Variants in CNTNAP2 observed in about 807,000 individuals in gnomAD.
CNTNAP2 encodes contactin-associated protein-like 2.
Under a neutral mutation model 155.2 loss-of-function variants are expected in CNTNAP2, and 98 were observed. The observed-to-expected ratio is 0.63, with a 90% CI of 0.54 to 0.75. The LOEUF (loss-of-function observed/expected upper bound fraction) is 0.75. Ranked by LOEUF, CNTNAP2 falls within the 30% of genes least tolerant of loss-of-function variation. CNTNAP2 has a pLI of 0.00. For synonymous variants in CNTNAP2, 651 were observed against 631.2 expected, an observed-to-expected ratio of 1.03 and a Z score of -0.47; for missense variants, 1,727 against 1,688.1, an observed-to-expected ratio of 1.02 and a Z score of -0.40.
intron 2 of CNTNAP2, among the ~76,000 whole-genome samples, chr7:146,836,787 A>C (rs531373656): frequency 6.6e-6 from 1 of 152,324 alleles, no homozygotes; most frequent in South Asian, 2.1e-4. Context: ...TTATATTTTT[A>C]TAGTATACAC....
chr7:146,462,393 A>G (rs566254583), intron 1 of CNTNAP2, among the ~76,000 whole-genome samples: 1 of 152,102 alleles, frequency 6.6e-6, no homozygotes, highest in African/African-American at 2.4e-5. Context: ...AAAACAGATG[A>G]TCCTCTATTT....
At chr7:147,131,098 A>G (rs1198463724) in intron 7 of CNTNAP2, among the ~76,000 whole-genome samples, 1 of 148,906 alleles carries the variant, frequency 6.7e-6, no homozygotes, top group Non-Finnish European at 1.5e-5. Flanking sequence ...GTGTATATAT[A>G]CACACACATA....
chr7:146,990,444 CCTT>C (rs1584769573), intron 3 of CNTNAP2, among the ~76,000 whole-genome samples: 1 of 152,002 alleles, frequency 6.6e-6, no homozygotes, highest in Non-Finnish European at 1.5e-5. Flanking sequence ...GTTCCTTTAA[CCTT>C]CTTTCTCAAT....
At chr7:146,671,429 T>TCACACACA (rs147594471) in intron 1 of CNTNAP2, among the ~76,000 whole-genome samples, 2,195 of 148,358 alleles carry the variant, frequency 0.015, 31 homozygotes, top group Non-Finnish European at 0.021. Context: ...TTTTTGTCAC[T>TCACACACA]CACACACACA....
rs965507779 is a variant in CNTNAP2 at position 146,128,814 on chromosome 7, T to C, written c.97+11841T>C. Among the ~76,000 whole-genome samples, 9 of 152,218 alleles carry C rather than the reference T, an allele frequency of 5.9e-5. No homozygotes were observed. The South Asian group carries it at 1.9e-3, about 32-fold the overall frequency. On this transcript the variant is annotated intron_variant, in intron 1 of 23. Coordinates refer to ENST00000361727, the MANE Select transcript of CNTNAP2 (RefSeq NM_014141.6). ...GCTAAAAGCATCATACTAAGAAGTA[T>C]TATAATTGTAATATAATGTTAGTTG...
At chr7:147,453,806 CCA>C (rs879479702) in intron 10 of CNTNAP2, among the ~76,000 whole-genome samples, 2 of 151,958 alleles carry the variant, frequency 1.3e-5, no homozygotes, top group Non-Finnish European at 2.9e-5. Flanking sequence ...GAAAATGCCA[CCA>C]AAAGTTCTTT....
chr7:148,168,031 C>G (rs1262814210), intron 17 of CNTNAP2, among the ~76,000 whole-genome samples: 1 of 152,144 alleles, frequency 6.6e-6, no homozygotes, highest in Non-Finnish European at 1.5e-5. Flanking sequence ...AAAAATATCT[C>G]CATTCTCAAT....
intron 3 of CNTNAP2, among the ~76,000 whole-genome samples, chr7:146,895,697 A>G (rs1795863721): frequency 6.6e-6 from 1 of 152,174 alleles, no homozygotes; most frequent in Non-Finnish European, 1.5e-5. Context: ...ACATGGCACC[A>G]TGGACACATA....
At chr7:147,317,306 C>T (rs569012093) in intron 9 of CNTNAP2, among the ~76,000 whole-genome samples, 2 of 152,204 alleles carry the variant, frequency 1.3e-5, no homozygotes, top group East Asian at 3.8e-4. Flanking sequence ...CCCTTTCCAC[C>T]CTCACTGACT....
intron 1 of CNTNAP2, among the ~76,000 whole-genome samples, chr7:146,312,366 T>A (rs1800839330): frequency 6.6e-6 from 1 of 152,200 alleles, no homozygotes; most frequent in African/African-American, 2.4e-5. Flanking sequence ...AACACATATC[T>A]TTGCAACATA....
intron 14 of CNTNAP2, among the ~76,000 whole-genome samples, chr7:147,967,670 G>C (rs533084788): frequency 1.6e-4 from 25 of 152,092 alleles, no homozygotes; most frequent in Non-Finnish European, 3.2e-4. Flanking sequence ...AATTGCATGT[G>C]GGGAGACTGT....
intron 1 of CNTNAP2, among the ~76,000 whole-genome samples, chr7:146,369,029 GTA>G (rs71525943): frequency 0.13 from 17,264 of 137,144 alleles, 1,474 homozygotes; most frequent in African/African-American, 0.26. Flanking sequence ...AAAGCATTAT[GTA>G]TATATATATA....
intron 9 of CNTNAP2, among the ~76,000 whole-genome samples, chr7:147,389,156 T>G (rs1796669309): frequency 6.6e-6 from 1 of 152,032 alleles, no homozygotes; most frequent in Non-Finnish European, 1.5e-5. Context: ...TCAGGAAGGT[T>G]GAGTAAACAG....
intron 15 of CNTNAP2, among the ~76,000 whole-genome samples, chr7:148,096,210 GT>G (rs964492803): frequency 6.6e-5 from 10 of 151,822 alleles, no homozygotes; most frequent in Non-Finnish European, 2.9e-5. Context: ...GTTCCACTAT[GT>G]TATTCCAACC....
chr7:146,331,482 C>G lies in CNTNAP2; in HGVS notation c.97+214509C>G, dbSNP rs1019002071. Among the ~76,000 whole-genome samples, 14 of 152,192 alleles carry G rather than the reference C, an allele frequency of 9.2e-5. No homozygotes were observed. The East Asian group carries it at 2.5e-3, about 27-fold the overall frequency. ...CAGAGAGCAGTCAGAACTGGAGAATCTACTTGCAGATGAGGGATTTATTAC... is the reference window on the plus strand; with the variant it reads ...CAGAGAGCAGTCAGAACTGGAGAATGTACTTGCAGATGAGGGATTTATTAC... On this transcript the variant is annotated intron_variant, in intron 1 of 23. Coordinates refer to ENST00000361727, the MANE Select transcript of CNTNAP2 (RefSeq NM_014141.6).
Position 147,529,695 on chromosome 7 carries a change from T to C in CNTNAP2, c.1778-32443T>C, listed in dbSNP as rs148032280. Among the ~76,000 whole-genome samples, 15 of 152,356 alleles carry C rather than the reference T, an allele frequency of 9.8e-5. No individual in the cohort carries two copies. The East Asian group carries it at 2.9e-3, about 29-fold the overall frequency. ...GCAAAGTATGTTTGTATATTTTTCA[T>C]GTGTTAGGACTACAGGTTTCCAGAA... On this transcript the variant is annotated intron_variant, in intron 11 of 23. Transcript: ENST00000361727.
chr7:148,156,969 C>T (rs1264765652), intron 17 of CNTNAP2, among the ~76,000 whole-genome samples: 1 of 152,158 alleles, frequency 6.6e-6, no homozygotes, highest in East Asian at 1.9e-4. Flanking sequence ...GGAAGATAGG[C>T]AGATTCATGC....
intron 1 of CNTNAP2, among the ~76,000 whole-genome samples, chr7:146,207,728 G>C (rs892902479): frequency 1.3e-5 from 2 of 149,642 alleles, no homozygotes; most frequent in Non-Finnish European, 3.0e-5. Context: ...TAACGAAAGA[G>C]TGGAGGATGG....
Position 146,931,524 on chromosome 7 carries a change from G to C in CNTNAP2, c.402+91620G>C, listed in dbSNP as rs537846347. On this transcript the variant is annotated intron_variant, in intron 3 of 23. Transcript: ENST00000361727. ...TGACACCCTAACATCACAGTTAAAAGAACTAGAAAAGCAAGAGCAAACACA... is the reference window on the plus strand; with the variant it reads ...TGACACCCTAACATCACAGTTAAAACAACTAGAAAAGCAAGAGCAAACACA... Among the ~76,000 whole-genome samples the C allele has an allele frequency of 8.8e-3, 1,322 of 150,024 alleles. 15 individuals carry two copies. Among genetic ancestry groups the C allele is most frequent in the African/African-American group, 0.03 (1,206 of 39,678 alleles).
Sources: gnomAD v4.1 joint callset for allele counts (sites outside exome capture counted in the v4.1 genomes callset) on GRCh38, gnomAD v4.1.1 for gene constraint, MANE v1.5 for transcripts, NCBI Gene and HGNC (gene_info 2026-07-23, HGNC 2026-07-21) for gene names.